The following STAM2 variants were observed in gnomAD, a reference collection of about 807,000 sequenced individuals.
STAM2 encodes signal transducing adapter molecule 2.
Under a neutral mutation model 65.6 loss-of-function variants are expected in STAM2, and 51 were observed. The ratio of observed to expected loss-of-function variants is 0.78; its 90% CI spans 0.62 to 0.98. The LOEUF is 0.98. STAM2 is among the 50% of genes least tolerant of loss of function. The pLI is 0.00. For synonymous variants in STAM2, 198 were observed against 208.4 expected (o/e 0.95, Z 0.43); for missense variants, 584 against 617.8 (o/e 0.95, Z 0.58).
intron 2 of STAM2, 120 bp downstream of exon 2, chr2:152,150,025 T>C (rs1412989045): frequency 7.3e-6 from 5 of 682,326 alleles, no homozygotes; most frequent in Non-Finnish European, 1.0e-5. Flanking sequence ...GCAGTTTAAA[T>C]CTGTGTTGTT....
intron 13 of STAM2, among the ~76,000 whole-genome samples, chr2:152,123,010 G>A (rs1441455416): frequency 2.0e-5 from 3 of 152,010 alleles, no homozygotes; most frequent in East Asian, 3.9e-4. Context: ...GGTCAAGACT[G>A]TAGTGAGCTG....
intron 1 of STAM2, 25 bp from the exon 2 acceptor site, chr2:152,150,254 A>C: frequency 1.4e-6 from 2 of 1,420,546 alleles, no homozygotes; most frequent in Non-Finnish European, 2.0e-6. Context: ...GGCATACACA[A>C]CAATGAGGAC....
chr2:152,126,044 A>G (rs772646371), intron 12 of STAM2, 182 bp downstream of exon 12: 9 of 459,358 alleles, frequency 2.0e-5, no homozygotes, highest in Admixed American at 4.0e-5. Context: ...AAATATCAGT[A>G]TCTGTCTAAT....
At chr2:152,140,689 T>A (rs1163677040) in intron 7 of STAM2, among the ~76,000 whole-genome samples, 1 of 152,228 alleles carries the variant, frequency 6.6e-6, no homozygotes, top group Non-Finnish European at 1.5e-5. Context: ...AAAGTAAAGT[T>A]CTTTTCCTTT....
rs745320478 is a variant in STAM2, at chr2:152,126,223, C to T, written c.1179+3G>A. 6.4e-6 allele frequency: 10 copies of T among 1,572,164 alleles called. No individual in the cohort carries two copies. The highest frequency in any genetic ancestry group is 1.7e-4 in the Middle Eastern group (1 of 5,860). ...AGAAAATGTTCTCAAAAAACATGCTCACCTGCATTGGAACCCCAGATGATG... is the reference window on the plus strand; with the variant it reads ...AGAAAATGTTCTCAAAAAACATGCTTACCTGCATTGGAACCCCAGATGATG... On this transcript the variant is annotated splice_donor_region_variant and intron_variant, in intron 12 of 13. Coordinates refer to ENST00000263904, the MANE Select transcript of STAM2 (RefSeq NM_005843.6).
At position 152,126,288 on chromosome 2, in the gene STAM2, C is replaced by T; in HGVS notation, c.1117G>A (p.Val373Ile). 6.2e-7 allele frequency: 1 copy of T among 1,611,092 alleles called. No individual in the cohort carries two copies. The highest frequency in any genetic ancestry group is 8.5e-7 in the Non-Finnish European group (1 of 1,178,532). Residue 373 changes from valine (V) to isoleucine (I), a missense_variant, in exon 12 of 14, where the codon GTC (valine) becomes ATC (isoleucine). Physicochemically the swap from Val to Ile is conservative, Grantham distance 29. Transcript: ENST00000263904. ...KLVNEAPVYS[V>I]YSKLHPPAHY... is the part of the protein sequence containing the mutation. ...GCTGGAGGGTGGAGCTTTGAATAGACTGAGTACACTGGTGCTTCATTCACC... is the reference window on the plus strand; with the variant it reads ...GCTGGAGGGTGGAGCTTTGAATAGATTGAGTACACTGGTGCTTCATTCACC...
At chr2:152,163,983 G>A (rs1689731364) in intron 1 of STAM2, among the ~76,000 whole-genome samples, 1 of 152,090 alleles carries the variant, frequency 6.6e-6, no homozygotes, top group South Asian at 2.1e-4. Flanking sequence ...TTCTAATTCT[G>A]CCCTTTGCCT....
intron 1 of STAM2, among the ~76,000 whole-genome samples, chr2:152,175,218 GCAT>G (rs1341664206): frequency 1.2e-4 from 18 of 152,340 alleles, no homozygotes; most frequent in African/African-American, 4.1e-4. Flanking sequence ...CTCCACTGCT[GCAT>G]CATCTTCAGA....
intron 11 of STAM2, among the ~76,000 whole-genome samples, chr2:152,129,100 T>C (rs1367375391): frequency 6.6e-6 from 1 of 152,224 alleles, no homozygotes; most frequent in Non-Finnish European, 1.5e-5. Context: ...TGGTTAATGG[T>C]TGAGTTCTCA....
chr2:152,133,635 A>G, intron 8 of STAM2, 151 bp from the exon 9 acceptor site: 4 of 611,552 alleles, frequency 6.5e-6, no homozygotes, highest in South Asian at 4.1e-5. Context: ...ACATACGTTT[A>G]TTACATACGT....
intron 1 of STAM2, among the ~76,000 whole-genome samples, chr2:152,151,196 T>C (rs35641787): frequency 0.16 from 24,269 of 148,988 alleles, 2,982 homozygotes; most frequent in East Asian, 0.57. Context: ...TTTTTTTTTT[T>C]CGACAGTGTC....
rs1689100718 is a variant in STAM2, at chr2:152,133,460, A to G, written c.824T>C (p.Ile275Thr). 4 of 1,612,712 alleles carry G rather than the reference A, an allele frequency of 2.5e-6. No individual in the cohort carries two copies. The highest frequency in any genetic ancestry group is 3.4e-6 in the Non-Finnish European group (4 of 1,179,244). Residue 275 changes from isoleucine (I) to threonine (T), a missense_variant, in exon 9 of 14, where the codon ATT (isoleucine) becomes ACT (threonine). Physicochemically the swap from Ile to Thr is moderately conservative, Grantham distance 89. Coordinates refer to ENST00000263904, the MANE Select transcript of STAM2 (RefSeq NM_005843.6). ...CTTAATTTCCTCCACATCATCATCA[A>G]TTACATTCAATTTGTCCACAGCCGC... The part of the protein sequence containing the change: ...EAAAVDKLNV[I>T]DDDVEEIKKS...
rs1689295179 is a variant in STAM2, at chr2:152,143,951, A to T, written c.580T>A (p.Ser194Thr). 2 of 1,613,834 alleles carry T rather than the reference A, an allele frequency of 1.2e-6. No homozygotes were observed. Among genetic ancestry groups the T allele is most frequent in the East Asian group, 4.5e-5 (2 of 44,798 alleles). Residue 194 changes from serine (S) to threonine (T), a missense_variant, in exon 7 of 14, where the codon TCT becomes ACT. Physicochemically the swap from Ser to Thr is moderately conservative, Grantham distance 58. Coordinates refer to ENST00000263904, the MANE Select transcript of STAM2 (RefSeq NM_005843.6). ...QHTETKSLYP[S>T]SEIQLNNKVA... The stretch of plus-strand genomic sequence containing the variant: ...TTATTATTTAACTGAATTTCTGAAG[A>T]TGGATATAAGGATTTTGTTTCTGTG...
intron 8 of STAM2, among the ~76,000 whole-genome samples, 183 bp downstream of exon 8, chr2:152,135,326 G>C (rs905923732): frequency 1.3e-5 from 2 of 152,152 alleles, no homozygotes; most frequent in Non-Finnish European, 2.9e-5. Flanking sequence ...AATAATTCTT[G>C]GGATTGACAC....
rs771382457 is a variant in STAM2, at chr2:152,150,165, T to C, written c.105A>G (p.Lys35=). The change falls in exon 2 of 14, where the codon AAA becomes AAG. Residue 35 remains lysine (K), a synonymous_variant. Coordinates refer to ENST00000263904, the MANE Select transcript of STAM2 (RefSeq NM_005843.6). ...CTTACCCATTAGGAGTACTTCCAACTTTGTCACATATGTCCATAATAAGAC... is the reference window on the plus strand; with the variant it reads ...CTTACCCATTAGGAGTACTTCCAACCTTGTCACATATGTCCATAATAAGAC... ...DWSLIMDICD[K]VGSTPNGAKD... 2 of 1,613,306 alleles carry C rather than the reference T, an allele frequency of 1.2e-6. No homozygotes were observed. Among genetic ancestry groups the C allele is most frequent in the South Asian group, 2.2e-5 (2 of 91,008 alleles).
chr2:152,124,210 T>C, intron 12 of STAM2: 2 of 357,194 alleles, frequency 5.6e-6, no homozygotes, highest in South Asian at 7.1e-5. Flanking sequence ...TTGCAATCTA[T>C]CCAGGTTGCC....
intron 13 of STAM2, among the ~76,000 whole-genome samples, chr2:152,123,062 C>A (rs191658259): frequency 0.015 from 2,297 of 151,204 alleles, 27 homozygotes; most frequent in Middle Eastern, 0.02. Flanking sequence ...CTGAGTGAGA[C>A]CTTGTCTTAA....
intron 1 of STAM2, among the ~76,000 whole-genome samples, chr2:152,158,691 G>A (rs1022419102): frequency 3.3e-5 from 5 of 152,034 alleles, no homozygotes; most frequent in African/African-American, 9.7e-5. Context: ...TGGGTAGTTC[G>A]TAAAGAACAG....
At chr2:152,164,667 T>C (rs1417792235) in intron 1 of STAM2, among the ~76,000 whole-genome samples, 1 of 152,116 alleles carries the variant, frequency 6.6e-6, no homozygotes, top group Admixed American at 6.5e-5. Flanking sequence ...CTAAACCATA[T>C]AATAATACAA....
Sources: allele counts gnomAD v4.1 joint callset (sites outside exome capture counted in the v4.1 genomes callset), GRCh38; gene constraint gnomAD v4.1.1; transcripts MANE v1.5; gene names NCBI Gene and HGNC (gene_info 2026-07-23, HGNC 2026-07-21).